ANKRD44: variants seen among roughly 807,000 people sequenced by gnomAD.
The protein encoded by ANKRD44 is serine/threonine-protein phosphatase 6 regulatory ankyrin repeat subunit B.
A neutral mutation model predicts 116.0 loss-of-function variants in ANKRD44; 35 were observed. The ratio of observed to expected loss-of-function variants is 0.30; its 90% CI spans 0.23 to 0.40. The LOEUF (loss-of-function observed/expected upper bound fraction) is 0.40. Among genes scored for constraint, ANKRD44 ranks in the 10% least tolerant of loss-of-function variants. The pLI is 1.00. For synonymous variants in ANKRD44, 435 were observed against 461.8 expected (o/e 0.94, Z 0.74); for missense variants, 1,014 against 1,242.6 (o/e 0.82, Z 2.77).
chr2:197,296,703 C>T (rs1477340673), intron 1 of ANKRD44: 1 of 152,158 alleles, frequency 6.6e-6, no homozygotes, highest in Non-Finnish European at 1.5e-5. Flanking sequence ...AACCAAGAAT[C>T]ACCTCAAATT....
At chr2:197,265,402 G>C (rs1023461689) in intron 1 of ANKRD44, among the ~76,000 whole-genome samples, 1 of 151,794 alleles carries the variant, frequency 6.6e-6, no homozygotes, top group Non-Finnish European at 1.5e-5. Context: ...GTGCGTCACA[G>C]CACCAGCTAA....
At chr2:197,058,491 G>A (rs191132583) in intron 16 of ANKRD44, among the ~76,000 whole-genome samples, 6 of 151,792 alleles carry the variant, frequency 4.0e-5, no homozygotes, top group South Asian at 2.1e-4. Context: ...ACAAGATGAG[G>A]AAAAAATAAT....
At position 197,013,836 on chromosome 2, in the gene ANKRD44, A is replaced by G. The variant is rs186855869; in HGVS notation, c.1723-124T>C. 1.1e-3 allele frequency: 973 copies of G among 882,894 alleles called. 11 individuals are homozygous for G. The Admixed American group carries it at 0.021, about 19-fold the overall frequency. 54.7% of individuals were successfully genotyped at this position (882,894 alleles called of 1,614,324 possible). A position where few individuals can be genotyped will look rare whatever the true frequency, so the allele number is the denominator to read the frequency against. On this transcript the variant is annotated intron_variant, in intron 17 of 27. Transcript: ENST00000282272. ...ACCACTCCCAAGAGCACGTCAGAAA[A>G]ACACTTGGAATATTTATTAAAACTC...
intron 9 of ANKRD44, among the ~76,000 whole-genome samples, chr2:197,103,086 G>A (rs568267459): frequency 3.3e-5 from 5 of 152,134 alleles, no homozygotes; most frequent in East Asian, 1.9e-4. Context: ...AAAATTAGCC[G>A]GCATGGTGGC....
intron 1 of ANKRD44, among the ~76,000 whole-genome samples, chr2:197,280,160 G>C (rs537015570): frequency 6.6e-6 from 1 of 152,280 alleles, no homozygotes; most frequent in South Asian, 2.1e-4. Context: ...AAAATCCTAA[G>C]AGGTGATTGC....
chr2:197,279,993 G>A (rs774706807), intron 1 of ANKRD44, among the ~76,000 whole-genome samples: 27 of 152,222 alleles, frequency 1.8e-4, no homozygotes, highest in Non-Finnish European at 3.5e-4. Context: ...TAAGAATTTC[G>A]TCCTCCCTAG....
intron 1 of ANKRD44, among the ~76,000 whole-genome samples, chr2:197,273,981 ATATATATATAT>A (rs1489430731): frequency 0.026 from 630 of 23,934 alleles, 123 homozygotes; most frequent in Admixed American, 0.051. Flanking sequence ...AAAAAAAAAA[ATATATATATAT>A]ATATATATAT....
intron 10 of ANKRD44, among the ~76,000 whole-genome samples, chr2:197,096,509 C>T (rs1033013772): frequency 1.3e-5 from 2 of 152,200 alleles, no homozygotes; most frequent in Non-Finnish European, 1.5e-5. Context: ...CCGTAGGAAG[C>T]TGCTCTGACT....
At position 197,048,280 on chromosome 2, in the gene ANKRD44, G is replaced by A. The variant is rs564174146; in HGVS notation, c.1651-23013C>T. On this transcript the variant is annotated intron_variant, in intron 16 of 27. Transcript: ENST00000282272. The stretch of plus-strand genomic sequence containing the variant: ...AGCTATACATATGCCATGTTGGTTT[G>A]CTGCAACCATCAACTCGTCATTTAC... 2.1e-4 allele frequency among the ~76,000 whole-genome samples: 32 copies of A among 152,142 alleles called. No individual in the cohort carries two copies. The East Asian group carries it at 6.2e-3, about 29-fold the overall frequency.
intron 1 of ANKRD44, among the ~76,000 whole-genome samples, chr2:197,204,543 A>C (rs1574268660): frequency 6.6e-6 from 1 of 152,336 alleles, no homozygotes; most frequent in East Asian, 1.9e-4. Flanking sequence ...TGAAGGCTGC[A>C]ACAATCTGGA....
intron 9 of ANKRD44, among the ~76,000 whole-genome samples, chr2:197,103,825 T>A (rs1429940420): frequency 6.6e-6 from 1 of 152,162 alleles, no homozygotes; most frequent in Non-Finnish European, 1.5e-5. Flanking sequence ...TTCCTCCCAG[T>A]TGTATGTATG....
intron 18 of ANKRD44, among the ~76,000 whole-genome samples, chr2:197,009,688 A>T (rs1227114217): frequency 6.6e-6 from 1 of 152,058 alleles, no homozygotes; most frequent in African/African-American, 2.4e-5. Context: ...ATTTATTTGG[A>T]CTTCAAATCA....
intron 17 of ANKRD44, among the ~76,000 whole-genome samples, chr2:197,020,215 C>T (rs1327504949): frequency 6.6e-6 from 1 of 152,128 alleles, no homozygotes; most frequent in South Asian, 2.1e-4. Context: ...ACACTTGACT[C>T]CAGGCTTAGT....
chr2:197,013,832 G>C, intron 17 of ANKRD44, 120 bp from the exon 18 acceptor site: 1 of 918,972 alleles, frequency 1.1e-6, no homozygotes, highest in South Asian at 1.6e-5. Flanking sequence ...GAGCACGTCA[G>C]AAAAACACTT....
At chr2:197,044,340 G>C (rs1264032836) in intron 16 of ANKRD44, among the ~76,000 whole-genome samples, 3 of 152,092 alleles carry the variant, frequency 2.0e-5, no homozygotes, top group African/African-American at 7.2e-5. Flanking sequence ...CCTCAGAAGG[G>C]TGCCTGGCAT....
intron 1 of ANKRD44, chr2:197,299,467 G>A (rs1041594442): frequency 1.4e-4 from 21 of 152,314 alleles, no homozygotes; most frequent in African/African-American, 4.8e-4. Context: ...TAAAGAAAGT[G>A]TGGTAGATAC....
chr2:197,140,203 C>T (rs866018278), intron 3 of ANKRD44, among the ~76,000 whole-genome samples: 7 of 152,194 alleles, frequency 4.6e-5, no homozygotes, highest in South Asian at 2.1e-4. Context: ...TACACACTTT[C>T]AGTTTCAAAA....
chr2:197,005,972 G>A (rs887378507), intron 20 of ANKRD44, 62 bp from the exon 21 acceptor site: 55 of 1,496,402 alleles, frequency 3.7e-5, no homozygotes, highest in Non-Finnish European at 5.1e-5. Context: ...CAAAGCAGTT[G>A]GCTAAGTGAG....
At chr2:197,179,667 T>C (rs895129378) in intron 2 of ANKRD44, among the ~76,000 whole-genome samples, 1 of 152,200 alleles carries the variant, frequency 6.6e-6, no homozygotes, top group South Asian at 2.1e-4. Flanking sequence ...CATATACCAT[T>C]ATAAGATTTG....
Sources: gnomAD v4.1 joint callset for allele counts (sites outside exome capture counted in the v4.1 genomes callset) on GRCh38, gnomAD v4.1.1 for gene constraint, MANE v1.5 for transcripts, NCBI Gene and HGNC (gene_info 2026-07-23, HGNC 2026-07-21) for gene names.